Variants in LRP1B observed in about 807,000 individuals in gnomAD.
The protein encoded by LRP1B is LDL receptor related protein 1B.
A neutral mutation model predicts 556.6 loss-of-function variants in LRP1B; 217 were observed. The ratio of observed to expected loss-of-function variants is 0.39; its 90% CI spans 0.35 to 0.44. The LOEUF (loss-of-function observed/expected upper bound fraction) is 0.44. Among genes scored for constraint, LRP1B ranks in the 20% least tolerant of loss-of-function variants. The probability of loss-of-function intolerance (pLI) is 1.00; values close to 1 mark genes in which losing one functional copy is unlikely to be tolerated. For missense variants in LRP1B, 5,053 were observed against 5,620.8 expected (o/e 0.90, Z 3.23); for synonymous variants, 2,047 against 1,865.8 (o/e 1.10, Z -2.50).
intron 2 of LRP1B, among the ~76,000 whole-genome samples, chr2:141,657,909 C>G (rs1349157333): frequency 6.6e-6 from 1 of 152,194 alleles, no homozygotes; most frequent in Non-Finnish European, 1.5e-5. Context: ...GCCTTCTGCT[C>G]CCATCCTTTC....
intron 25 of LRP1B, among the ~76,000 whole-genome samples, chr2:140,878,419 A>C (rs1459063286): frequency 1.3e-5 from 2 of 152,170 alleles, no homozygotes; most frequent in Non-Finnish European, 2.9e-5. Context: ...AAAATAATAC[A>C]ATATGTTGCC....
intron 43 of LRP1B, among the ~76,000 whole-genome samples, chr2:140,578,133 G>A (rs867837231): frequency 1.1e-4 from 16 of 152,088 alleles, no homozygotes; most frequent in Non-Finnish European, 1.9e-4. Flanking sequence ...TTTTGATCAA[G>A]AAAAAACTGG....
intron 2 of LRP1B, among the ~76,000 whole-genome samples, chr2:141,509,748 A>G (rs552676142): frequency 2.6e-5 from 4 of 152,314 alleles, no homozygotes; most frequent in Admixed American, 2.6e-4. Context: ...GTGTACTGTA[A>G]TGGTTGTAGA....
intron 1 of LRP1B, among the ~76,000 whole-genome samples, chr2:141,897,552 G>A (rs1257659380): frequency 6.6e-6 from 1 of 152,126 alleles, no homozygotes; most frequent in East Asian, 1.9e-4. Context: ...TCCCTCCAGT[G>A]ACAGCTCTGT....
At chr2:140,395,938 G>T (rs991152551) in intron 66 of LRP1B, among the ~76,000 whole-genome samples, 1 of 152,116 alleles carries the variant, frequency 6.6e-6, no homozygotes, top group African/African-American at 2.4e-5. Context: ...AAGTGAGTGG[G>T]GGGGAAGGGG....
chr2:141,142,879 T>G (rs1701688527), intron 7 of LRP1B, among the ~76,000 whole-genome samples: 2 of 151,216 alleles, frequency 1.3e-5, no homozygotes, highest in South Asian at 4.2e-4. Context: ...TCCCCAAGTT[T>G]GAATGAGTGA....
intron 72 of LRP1B, 117 bp downstream of exon 72, chr2:140,364,544 A>G (rs1225126195): frequency 3.3e-6 from 4 of 1,196,572 alleles, no homozygotes; most frequent in Non-Finnish European, 4.6e-6. Flanking sequence ...GTTATACTTT[A>G]TCTACCTAAC....
chr2:140,398,780 C>T (rs1684366194), intron 66 of LRP1B, among the ~76,000 whole-genome samples: 1 of 152,080 alleles, frequency 6.6e-6, no homozygotes, highest in African/African-American at 2.4e-5. Context: ...AATTCTGAAA[C>T]TGAAGAAAAA....
At chr2:141,562,681 T>C (rs577878765) in intron 2 of LRP1B, among the ~76,000 whole-genome samples, 34 of 152,024 alleles carry the variant, frequency 2.2e-4, no homozygotes, top group African/African-American at 7.7e-4. Flanking sequence ...AAGTAAGAAG[T>C]GTTTAAAAGA....
intron 7 of LRP1B, among the ~76,000 whole-genome samples, chr2:141,092,352 C>T (rs1292102837): frequency 1.3e-5 from 2 of 152,154 alleles, no homozygotes; most frequent in Non-Finnish European, 2.9e-5. Flanking sequence ...TTTTGGCTGA[C>T]ATCATGACAA....
intron 1 of LRP1B, among the ~76,000 whole-genome samples, chr2:141,983,397 C>A (rs1421615902): frequency 6.6e-6 from 1 of 152,116 alleles, no homozygotes; most frequent in African/African-American, 2.4e-5. Flanking sequence ...AAACCCTATG[C>A]ATTTCACCTC....
At chr2:142,022,852 T>G (rs1288648128) in intron 1 of LRP1B, among the ~76,000 whole-genome samples, 2 of 152,088 alleles carry the variant, frequency 1.3e-5, no homozygotes, top group Admixed American at 6.6e-5. Context: ...TTTAAATTTT[T>G]TTTTAGTAGA....
At chr2:141,029,752 T>C (rs1698314365) in intron 11 of LRP1B, among the ~76,000 whole-genome samples, 1 of 152,114 alleles carries the variant, frequency 6.6e-6, no homozygotes, top group African/African-American at 2.4e-5. Context: ...CAATGTCTCA[T>C]TTTCTACTTT....
At chr2:141,822,907 T>C (rs1410639836) in intron 1 of LRP1B, among the ~76,000 whole-genome samples, 2 of 152,132 alleles carry the variant, frequency 1.3e-5, no homozygotes, top group East Asian at 3.9e-4. Flanking sequence ...GGTGCTAATA[T>C]AGGTGCATCT....
chr2:141,966,140 T>G (rs773809690), intron 1 of LRP1B, among the ~76,000 whole-genome samples: 23 of 151,892 alleles, frequency 1.5e-4, no homozygotes, highest in Non-Finnish European at 2.2e-4. Context: ...TATTCATCAT[T>G]TCACTATTTT....
intron 11 of LRP1B, among the ~76,000 whole-genome samples, chr2:141,032,826 C>CATACATATATATATATATATATAT: frequency 2.8e-4 from 36 of 126,654 alleles, no homozygotes; most frequent in African/African-American, 4.8e-4. Flanking sequence ...TATATACATA[C>CATACATATATATATATATATATAT]ATATATATAT....
chr2:141,077,093 TA>T (rs1331678791), intron 7 of LRP1B, among the ~76,000 whole-genome samples: 1 of 151,930 alleles, frequency 6.6e-6, no homozygotes, highest in Non-Finnish European at 1.5e-5. Flanking sequence ...AAAAATATTT[TA>T]AAAATTAGCC....
chr2:140,474,102 C>T (rs560876339), intron 60 of LRP1B, among the ~76,000 whole-genome samples: 4 of 151,950 alleles, frequency 2.6e-5, no homozygotes, highest in South Asian at 2.1e-4. Context: ...CTTAAGAAAG[C>T]GCCTCTAAAA....
intron 43 of LRP1B, among the ~76,000 whole-genome samples, chr2:140,557,704 G>C (rs942228745): frequency 1.3e-5 from 2 of 152,094 alleles, no homozygotes; most frequent in Non-Finnish European, 2.9e-5. Context: ...ATGCCTGTGA[G>C]TCTCTTCCCC....
Sources: allele counts gnomAD v4.1 joint callset (sites outside exome capture counted in the v4.1 genomes callset), GRCh38; gene constraint gnomAD v4.1.1; transcripts MANE v1.5; gene names NCBI Gene and HGNC (gene_info 2026-07-23, HGNC 2026-07-21).